Variants in ZC3H3 observed in about 807,000 individuals in gnomAD.
ZC3H3 encodes zinc finger CCCH-type containing 3.
In ZC3H3, 36 loss-of-function variants were observed where a neutral mutation model predicts 77.3. The observed-to-expected ratio is 0.47, with a 90% CI of 0.36 to 0.61. The LOEUF (loss-of-function observed/expected upper bound fraction) is 0.61, where lower values mean the gene tolerates loss of function less well. Among genes scored for constraint, ZC3H3 ranks in the 20% least tolerant of loss-of-function variants. The probability of loss-of-function intolerance (pLI) is 0.00; values close to 1 mark genes in which losing one functional copy is unlikely to be tolerated. For synonymous variants in ZC3H3, 626 were observed against 555.2 expected (o/e 1.13, Z -1.79); for missense variants, 1,331 against 1,312.2 (o/e 1.01, Z -0.22).
intron 8 of ZC3H3, among the ~76,000 whole-genome samples, chr8:143,467,604 T>C (rs996846767): frequency 9.9e-5 from 15 of 152,196 alleles, no homozygotes; most frequent in Non-Finnish European, 2.1e-4. Flanking sequence ...GGTCACACCG[T>C]GGCTGAGTCC....
At chr8:143,471,161 A>G (rs772951468) in intron 5 of ZC3H3, among the ~76,000 whole-genome samples, 2 of 152,234 alleles carry the variant, frequency 1.3e-5, no homozygotes, top group East Asian at 1.9e-4. Context: ...GGCAGCCCCA[A>G]TTCCCAGGCC....
At chr8:143,513,184 G>A (rs1821927206) in intron 3 of ZC3H3, among the ~76,000 whole-genome samples, 1 of 152,148 alleles carries the variant, frequency 6.6e-6, no homozygotes, top group Non-Finnish European at 1.5e-5. Flanking sequence ...CACAGCCTCT[G>A]GGACCATGCC....
At chr8:143,477,999 G>GT (rs1450819495) in intron 4 of ZC3H3, among the ~76,000 whole-genome samples, 1 of 152,114 alleles carries the variant, frequency 6.6e-6, no homozygotes, top group East Asian at 1.9e-4. Context: ...TGAGTAGATG[G>GT]TAAGTCTGCA....
At chr8:143,535,876 G>A (rs1238046548) in intron 3 of ZC3H3, among the ~76,000 whole-genome samples, 1 of 152,266 alleles carries the variant, frequency 6.6e-6, no homozygotes, top group Admixed American at 6.5e-5. Flanking sequence ...CCAGCCAGCT[G>A]AGCACAGAAG....
intron 9 of ZC3H3, among the ~76,000 whole-genome samples, chr8:143,451,455 C>A (rs990488556): frequency 6.6e-6 from 1 of 152,102 alleles, no homozygotes; most frequent in Admixed American, 6.6e-5. Context: ...TGCACCCATA[C>A]GTTGAAAACC....
In ZC3H3 at chr8:143,491,986, C is replaced by A. The variant is rs192830350; in HGVS notation, c.1715+15760G>T. The stretch of plus-strand genomic sequence containing the variant: ...TGTTGCCTCCACCTGGTGCACCAGG[C>A]GCAGCACCTAAGCGTGGCTCGTATC... On this transcript the variant is annotated intron_variant, in intron 4 of 11. Transcript: ENST00000262577. 3.3e-5 allele frequency among the ~76,000 whole-genome samples: 5 copies of A among 152,304 alleles called. No homozygotes were observed. The East Asian group carries it at 9.6e-4, about 29-fold the overall frequency.
intron 9 of ZC3H3, among the ~76,000 whole-genome samples, chr8:143,449,556 C>T (rs4874123): frequency 0.63 from 95,425 of 151,898 alleles, 30,191 homozygotes; most frequent in Middle Eastern, 0.66. Flanking sequence ...ACTATGTTTC[C>T]ACTAAAACCC....
rs867932072 is a variant in ZC3H3, at chr8:143,538,334, C to T, written c.1033G>A (p.Ala345Thr). 4 of 1,613,006 alleles carry T rather than the reference C, an allele frequency of 2.5e-6. No individual in the cohort carries two copies. The highest frequency in any genetic ancestry group is 3.4e-6 in the Non-Finnish European group (4 of 1,180,036). The change falls in exon 2 of 12, where the codon GCA (alanine) becomes ACA (threonine). Residue 345 changes from alanine (A) to threonine (T), a missense_variant. Coordinates refer to ENST00000262577, the MANE Select transcript of ZC3H3 (RefSeq NM_015117.3). ...AGCTGCGGCTTCTCCACCTTGTTTG[C>T]CATGCCAGCAGAGGCCTTGCACACA... The part of the protein sequence containing the change: ...ENVCKASAGM[A>T]NKVEKPQLIA...
intron 4 of ZC3H3, among the ~76,000 whole-genome samples, chr8:143,489,467 C>A (rs554088509): frequency 6.6e-6 from 1 of 152,158 alleles, no homozygotes; most frequent in South Asian, 2.1e-4. Context: ...GCCCCGCCCA[C>A]CACCGCCTGG....
At chr8:143,516,225 A>G (rs1822035894) in intron 3 of ZC3H3, among the ~76,000 whole-genome samples, 1 of 152,196 alleles carries the variant, frequency 6.6e-6, no homozygotes, top group Non-Finnish European at 1.5e-5. Flanking sequence ...ACAAAGTATG[A>G]ATTTTTATGA....
Position 143,533,409 on chromosome 8 carries a change from C to G in ZC3H3, c.1561+2848G>C, listed in dbSNP as rs1822686069. 6.6e-6 allele frequency among the ~76,000 whole-genome samples: 1 copy of G among 152,324 alleles called. No homozygotes were observed. The highest frequency in any genetic ancestry group is 1.5e-5 in the Non-Finnish European group (1 of 68,030). ...CAGCTGGCCCTGTGCTCTCCCCCTG[C>G]CTGTTCCTCAGAAGGCATTTTCCAC... On this transcript the variant is annotated intron_variant, in intron 3 of 11. Coordinates refer to ENST00000262577, the MANE Select transcript of ZC3H3 (RefSeq NM_015117.3). This position sits in a 1 kb window ranked among gnomAD's most constrained non-coding sequence, Gnocchi z 4.0.
At chr8:143,479,898 A>C (rs1272757509) in intron 4 of ZC3H3, among the ~76,000 whole-genome samples, 1 of 152,224 alleles carries the variant, frequency 6.6e-6, no homozygotes, top group East Asian at 1.9e-4. Flanking sequence ...GTGTATGAAG[A>C]AGCTGTCTGT....
intron 8 of ZC3H3, 48 bp from the exon 9 acceptor site, chr8:143,465,896 G>A (rs1358921806): frequency 6.3e-7 from 1 of 1,584,744 alleles, no homozygotes; most frequent in Non-Finnish European, 8.5e-7. Flanking sequence ...CACCCTCCAG[G>A]GCCCAGAGAC....
intron 3 of ZC3H3, among the ~76,000 whole-genome samples, chr8:143,527,944 C>CGCCCACACCA (rs1218082882): frequency 1.3e-3 from 201 of 152,366 alleles, no homozygotes; most frequent in Non-Finnish European, 1.6e-3. Context: ...CGCCAGGCCA[C>CGCCCACACCA]GCCCACACCA....
chr8:143,516,350 C>A (rs1377837911), intron 3 of ZC3H3, among the ~76,000 whole-genome samples: 1 of 152,150 alleles, frequency 6.6e-6, no homozygotes, highest in Non-Finnish European at 1.5e-5. Context: ...GGCCACGGGG[C>A]CGCTGGGGCC....
intron 4 of ZC3H3, among the ~76,000 whole-genome samples, chr8:143,496,268 A>G (rs1454357385): frequency 6.6e-6 from 1 of 152,218 alleles, no homozygotes; most frequent in Non-Finnish European, 1.5e-5. Flanking sequence ...CCCCCAGGCC[A>G]AGACCTTAGC....
chr8:143,485,227 T>C lies in ZC3H3; in HGVS notation c.1716-9642A>G, dbSNP rs452209. Among the ~76,000 whole-genome samples the C allele has an allele frequency of 8.4e-3, 1,275 of 152,274 alleles. 9 individuals carry two copies. Among genetic ancestry groups the C allele is most frequent in the African/African-American group, 0.029 (1,208 of 41,548 alleles). Reference sequence around the variant, plus strand: ...GGCGGGGCCAGGGATCTGAAGTGTTTGTTGTGTGTGTGGCTGAAATCCTAA... The same window carrying C: ...GGCGGGGCCAGGGATCTGAAGTGTTCGTTGTGTGTGTGGCTGAAATCCTAA... On this transcript the variant is annotated intron_variant, in intron 4 of 11. Coordinates refer to ENST00000262577, the MANE Select transcript of ZC3H3 (RefSeq NM_015117.3).
In ZC3H3 at chr8:143,537,900, G is replaced by C. The variant is rs145259614; in HGVS notation, c.1364+103C>G. Reference sequence around the variant, plus strand: ...CTCATTTCTTGCTGGAAATGTGAACGCAACTGCAGGCAAAGCTCCGAGCTC... The same window carrying C: ...CTCATTTCTTGCTGGAAATGTGAACCCAACTGCAGGCAAAGCTCCGAGCTC... On this transcript the variant is annotated intron_variant, in intron 2 of 11. Coordinates refer to ENST00000262577, the MANE Select transcript of ZC3H3 (RefSeq NM_015117.3). The C allele has an allele frequency of 6.4e-5, 75 of 1,176,214 alleles. No homozygotes were observed. In the African/African-American group the frequency reaches 8.6e-4, roughly 13 times the overall value. The allele number at this position is 1,176,214 out of a possible 1,614,324, so 72.9% of individuals were successfully genotyped here.
intron 8 of ZC3H3, 80 bp from the exon 9 acceptor site, chr8:143,465,928 G>A (rs1055160909): frequency 7.3e-6 from 11 of 1,507,184 alleles, no homozygotes; most frequent in South Asian, 2.5e-5. Flanking sequence ...ACCCTCCTAC[G>A]GCCCCGCCCG....
Sources: gnomAD v4.1 joint callset for allele counts (sites outside exome capture counted in the v4.1 genomes callset) on GRCh38, gnomAD v4.1.1 for gene constraint, Gnocchi (gnomAD v3.1) non-coding constraint, MANE v1.5 for transcripts, NCBI Gene and HGNC (gene_info 2026-07-23, HGNC 2026-07-21) for gene names.